Variants in TMEM163 observed in about 807,000 individuals in gnomAD.
TMEM163 encodes transmembrane protein 163.
Under a neutral mutation model 29.3 loss-of-function variants are expected in TMEM163, and 17 were observed. The observed-to-expected ratio is 0.58, with a 90% confidence interval of 0.40 to 0.87. The LOEUF is 0.87. Among genes scored for constraint, TMEM163 ranks in the 40% least tolerant of loss-of-function variants. The pLI, the probability that TMEM163 is intolerant of heterozygous loss-of-function variation, is 0.00. For missense variants in TMEM163, 303 were observed against 381.5 expected, an observed-to-expected ratio of 0.79 and a Z score of 1.71; for synonymous variants, 157 against 160.6, an observed-to-expected ratio of 0.98 and a Z score of 0.17.
At chr2:134,519,658 G>A (rs891097227) in intron 4 of TMEM163, among the ~76,000 whole-genome samples, 5 of 151,958 alleles carry the variant, frequency 3.3e-5, no homozygotes, top group African/African-American at 1.2e-4. Context: ...CTTGCAGTGA[G>A]CCGAGATCGT....
intron 2 of TMEM163, among the ~76,000 whole-genome samples, chr2:134,602,731 G>A (rs1401467912): frequency 6.6e-6 from 1 of 152,128 alleles, no homozygotes; most frequent in African/African-American, 2.4e-5. Context: ...TACTGGATAT[G>A]TCTAAATCAT....
chr2:134,703,846 T>TA (rs370393554), intron 2 of TMEM163, among the ~76,000 whole-genome samples: 32,206 of 134,458 alleles, frequency 0.24, 4,117 homozygotes, highest in Middle Eastern at 0.42. Flanking sequence ...TGTTAGAAAG[T>TA]AAAAAAAAAA....
chr2:134,537,326 C>T (rs1427598353), intron 4 of TMEM163, among the ~76,000 whole-genome samples: 2 of 152,200 alleles, frequency 1.3e-5, no homozygotes, highest in Non-Finnish European at 2.9e-5. Context: ...GTGACTTTCT[C>T]ACAGTTCTGG....
intron 5 of TMEM163, among the ~76,000 whole-genome samples, chr2:134,482,042 C>T (rs949526382): frequency 1.3e-5 from 2 of 152,108 alleles, no homozygotes; most frequent in Non-Finnish European, 2.9e-5. Context: ...AATAAAATTC[C>T]ACCTCCTGAT....
At chr2:134,487,064 C>A (rs1265369561) in intron 5 of TMEM163, among the ~76,000 whole-genome samples, 1 of 152,078 alleles carries the variant, frequency 6.6e-6, no homozygotes, top group Non-Finnish European at 1.5e-5. Context: ...TTGAGAAGCC[C>A]TTCTGTTACA....
intron 4 of TMEM163, among the ~76,000 whole-genome samples, chr2:134,520,596 G>A (rs1476227566): frequency 6.6e-6 from 1 of 152,208 alleles, no homozygotes; most frequent in Non-Finnish European, 1.5e-5. Context: ...ATGAGTAAAT[G>A]TAACTGATTC....
chr2:134,711,826 C>T (rs184664032), intron 2 of TMEM163, among the ~76,000 whole-genome samples: 50 of 152,306 alleles, frequency 3.3e-4, no homozygotes, highest in Admixed American at 2.6e-4. Context: ...ATCAAAACAG[C>T]TTTATCAGGC....
intron 2 of TMEM163, among the ~76,000 whole-genome samples, chr2:134,555,352 C>G (rs932328105): frequency 6.6e-5 from 10 of 152,152 alleles, no homozygotes; most frequent in African/African-American, 2.2e-4. Context: ...AACAGCAGGC[C>G]TGAGCCAGGA....
chr2:134,603,842 AAGGGG>A (rs968503070), intron 2 of TMEM163, among the ~76,000 whole-genome samples: 3 of 49,662 alleles, frequency 6.0e-5, no homozygotes, highest in African/African-American at 1.5e-4. Context: ...GGGGTGGGGG[AAGGGG>A]AGGGGAGGGG....
intron 4 of TMEM163, among the ~76,000 whole-genome samples, chr2:134,522,682 C>T (rs564847428): frequency 6.6e-5 from 10 of 152,172 alleles, no homozygotes; most frequent in South Asian, 4.1e-4. Context: ...CCACACAGGG[C>T]GAATGACTGT....
chr2:134,475,120 A>G (rs1255103475), intron 5 of TMEM163, among the ~76,000 whole-genome samples: 1 of 152,308 alleles, frequency 6.6e-6, no homozygotes, highest in Middle Eastern at 3.4e-3. Context: ...AAACTGATTT[A>G]TTATGAAGCT....
At chr2:134,463,195 A>G (rs1270194816) in intron 6 of TMEM163, among the ~76,000 whole-genome samples, 1 of 152,194 alleles carries the variant, frequency 6.6e-6, no homozygotes, top group Admixed American at 6.5e-5. Flanking sequence ...CTGCATCCCT[A>G]CAGGGCTGGG....
intron 2 of TMEM163, among the ~76,000 whole-genome samples, chr2:134,590,956 G>A (rs1197180111): frequency 6.6e-6 from 1 of 152,184 alleles, no homozygotes; most frequent in Non-Finnish European, 1.5e-5. Flanking sequence ...GGCTACACAG[G>A]TGACTTGCCC....
chr2:134,547,357 T>C (rs1401178915), intron 4 of TMEM163, among the ~76,000 whole-genome samples: 2 of 152,164 alleles, frequency 1.3e-5, no homozygotes, highest in East Asian at 1.9e-4. Flanking sequence ...AGTCACCAGG[T>C]GGCAAGGCTA....
At position 134,668,078 on chromosome 2, in the gene TMEM163, A is replaced by T. The variant is rs544644590; in HGVS notation, c.322+45122T>A. On this transcript the variant is annotated intron_variant, in intron 2 of 7. Transcript: ENST00000281924. ...TAGATACTAAGGCTGAGGGACTTGG[A>T]TGGGGCCAGGGACCAAAACCCTACA... 2.0e-4 allele frequency among the ~76,000 whole-genome samples: 30 copies of T among 152,314 alleles called. 1 individual carries two copies. The highest frequency in any genetic ancestry group is 1.9e-3 in the Admixed American group (29 of 15,298).
chr2:134,505,461 C>T (rs1431317593), intron 4 of TMEM163, among the ~76,000 whole-genome samples: 1 of 151,942 alleles, frequency 6.6e-6, no homozygotes, highest in Non-Finnish European at 1.5e-5. Flanking sequence ...GGAACAGAGG[C>T]TGAGATAGAA....
At chr2:134,501,351 C>T (rs768047925) in intron 5 of TMEM163, among the ~76,000 whole-genome samples, 9 of 152,112 alleles carry the variant, frequency 5.9e-5, no homozygotes, top group Non-Finnish European at 1.3e-4. Flanking sequence ...ACAGATTGCT[C>T]CCAGTTAAAA....
intron 2 of TMEM163, among the ~76,000 whole-genome samples, chr2:134,640,050 T>C (rs1410204710): frequency 1.3e-5 from 2 of 152,232 alleles, no homozygotes; most frequent in African/African-American, 4.8e-5. Context: ...GCCATTTCTA[T>C]TTCCTGGTAA....
At chr2:134,532,066 TA>T (rs1173518777) in intron 4 of TMEM163, among the ~76,000 whole-genome samples, 1 of 152,232 alleles carries the variant, frequency 6.6e-6, no homozygotes, top group African/African-American at 2.4e-5. Flanking sequence ...TATTTCATAA[TA>T]TCACAGGTAG....
Sources: gnomAD v4.1 joint callset for allele counts (sites outside exome capture counted in the v4.1 genomes callset) on GRCh38, gnomAD v4.1.1 for gene constraint, MANE v1.5 for transcripts, NCBI Gene and HGNC (gene_info 2026-07-23, HGNC 2026-07-21) for gene names.